CEP152: variants seen among roughly 807,000 people sequenced by gnomAD.
CEP152 encodes centrosomal protein 152.
CEP152 carries 132 observed loss-of-function variants against 188.9 expected under a neutral mutation model. That is an observed-to-expected ratio of 0.70 (90% CI 0.61 to 0.81). The LOEUF is 0.81. Ranked by LOEUF, CEP152 falls within the 30% of genes least tolerant of loss-of-function variation. The probability of loss-of-function intolerance (pLI) is 0.00; values close to 1 mark genes in which losing one functional copy is unlikely to be tolerated. For synonymous variants in CEP152, 649 were observed against 666.6 expected (o/e 0.97, Z 0.41); for missense variants, 1,914 against 1,969.8 (o/e 0.97, Z 0.54).
At chr15:48,760,348 T>C (rs1595623934) in intron 18 of CEP152, 82 bp from the exon 19 acceptor site, 3 of 1,528,044 alleles carry the variant, frequency 2.0e-6, no homozygotes, top group Admixed American at 3.4e-5. Flanking sequence ...AATTATGATT[T>C]CAGTATTTTA....
At chr15:48,742,944 CA>C (rs1392265505) in intron 24 of CEP152, among the ~76,000 whole-genome samples, 3 of 151,942 alleles carry the variant, frequency 2.0e-5, no homozygotes, top group Non-Finnish European at 4.4e-5. Context: ...TGGTTCTATG[CA>C]AAAATACTAA....
At position 48,739,105 on chromosome 15, in the gene CEP152, G is replaced by A. The variant is rs1429020318; in HGVS notation, c.4277C>T (p.Ser1426Leu). The A allele has an allele frequency of 6.8e-6, 11 of 1,614,070 alleles. No individual in the cohort carries two copies. Among genetic ancestry groups the A allele is most frequent in the Non-Finnish European group, 9.3e-6 (11 of 1,180,020 alleles). The part of the protein sequence containing the change: ...ACNLQRLLEN[S>L]EHQSIKHVGS... ...CACATGCTTTATGCTCTGATGCTCTGAGTTCTCTAACAGCCTTTGTAAGTT... is the reference window on the plus strand; with the variant it reads ...CACATGCTTTATGCTCTGATGCTCTAAGTTCTCTAACAGCCTTTGTAAGTT... Residue 1426 changes from serine (S) to leucine (L), a missense_variant, in exon 27 of 27, where the codon TCA (serine) becomes TTA (leucine). Physicochemically the swap from Ser to Leu is moderately radical, Grantham distance 145. Transcript: ENST00000380950.
rs1253786701 is a variant in CEP152 at position 48,772,536 on chromosome 15, A to G, written c.1733T>C (p.Ile578Thr). The change falls in exon 13 of 27, where the codon ATT becomes ACT. Residue 578 changes from isoleucine (I) to threonine (T), a missense_variant. Transcript: ENST00000380950. ...QNDLKDCHKKIEDLHQVKKDE... is the reference protein window; with the variant it reads ...QNDLKDCHKKTEDLHQVKKDE... ...CTTCTTCACTTGGTGGAGATCTTCAATTTTCTTATGACAGTCTTTGAGGTC... is the reference window on the plus strand; with the variant it reads ...CTTCTTCACTTGGTGGAGATCTTCAGTTTTCTTATGACAGTCTTTGAGGTC... The G allele has an allele frequency of 6.2e-7, 1 of 1,613,242 alleles. No homozygotes were observed. The highest frequency in any genetic ancestry group is 8.5e-7 in the Non-Finnish European group (1 of 1,179,874).
chr15:48,754,656 A>C lies in CEP152; in HGVS notation c.3345+1247T>G, dbSNP rs890150238. Reference sequence around the variant, plus strand: ...AGGATAAAAATATCAACTGGGGTGAAGTAGGATGGAGTGAGCTGATCTTTC... The same window carrying C: ...AGGATAAAAATATCAACTGGGGTGACGTAGGATGGAGTGAGCTGATCTTTC... On this transcript the variant is annotated intron_variant, in intron 20 of 26. Coordinates refer to ENST00000380950, the MANE Select transcript of CEP152 (RefSeq NM_001194998.2). Among the ~76,000 whole-genome samples the C allele has an allele frequency of 1.3e-5, 2 of 152,180 alleles. 1 individual carries two copies. Among genetic ancestry groups the C allele is most frequent in the South Asian group, 4.1e-4 (2 of 4,828 alleles).
rs915363582 is a variant in CEP152 at position 48,737,941 on chromosome 15, A to T, written c.*308T>A. On this transcript the variant is annotated 3_prime_UTR_variant, in exon 27 of 27. Coordinates refer to ENST00000380950, the MANE Select transcript of CEP152 (RefSeq NM_001194998.2). ...ACAAAATAATTCATAACAATTCTAC[A>T]GACCATATGCAAGTTTATTTAAATA... 2.5e-5 allele frequency: 6 copies of T among 243,038 alleles called. No homozygotes were observed. The highest frequency in any genetic ancestry group is 4.0e-5 in the Non-Finnish European group (5 of 125,458). The allele number at this position is 243,038 out of a possible 1,614,324, so 15.1% of individuals were successfully genotyped here.
chr15:48,738,692 C>T lies in CEP152; in HGVS notation c.4690G>A (p.Asp1564Asn). The T allele has an allele frequency of 6.2e-7, 1 of 1,614,212 alleles. No individual in the cohort carries two copies. Among genetic ancestry groups the T allele is most frequent in the East Asian group, 2.2e-5 (1 of 44,888 alleles). Residue 1564 changes from aspartate (D) to asparagine (N), a missense_variant, in exon 27 of 27, where the codon GAT becomes AAT. Transcript: ENST00000380950. ...GLDVQEPPVK[D>N]GGDLSDCLGW... ...AAGCAGTCACTAAGGTCCCCTCCATCTTTTACTGGAGGTTCCTGAACATCC... is the reference window on the plus strand; with the variant it reads ...AAGCAGTCACTAAGGTCCCCTCCATTTTTTACTGGAGGTTCCTGAACATCC...
In CEP152 at chr15:48,772,704, T is replaced by TTG. The variant is rs757085019; in HGVS notation, c.1578-15_1578-14dup. ...TTCTTGTACAATGCTAATGGAGAAA[T>TTG]TGTGATTTTTAACATTAAATCAAGT... On this transcript the variant is annotated splice_polypyrimidine_tract_variant and intron_variant, in intron 12 of 26. Coordinates refer to ENST00000380950, the MANE Select transcript of CEP152 (RefSeq NM_001194998.2). 6.2e-7 allele frequency: 1 copy of TTG among 1,608,558 alleles called. No individual in the cohort carries two copies. Among genetic ancestry groups the TTG allele is most frequent in the South Asian group, 1.1e-5 (1 of 90,978 alleles).
intron 18 of CEP152, among the ~76,000 whole-genome samples, chr15:48,762,016 T>C (rs994785692): frequency 2.0e-5 from 3 of 152,214 alleles, no homozygotes; most frequent in Admixed American, 6.5e-5. Context: ...CTTATGTGCT[T>C]AGGTTTACTT....
chr15:48,732,293 T>C (rs1261785208), intron 2 of CEP152, among the ~76,000 whole-genome samples: 2 of 152,166 alleles, frequency 1.3e-5, no homozygotes, highest in Non-Finnish European at 2.9e-5. Flanking sequence ...CAAATGCCCA[T>C]TAATGATAGA....
chr15:48,782,043 C>G (rs1896284233), intron 11 of CEP152, 96 bp downstream of exon 11: 1 of 1,140,834 alleles, frequency 8.8e-7, no homozygotes, highest in African/African-American at 1.5e-5. Flanking sequence ...GGTCCAACCA[C>G]CTCTATTATA....
Position 48,775,588 on chromosome 15 carries a change from T to A in CEP152, c.1578-2897A>T, listed in dbSNP as rs1895839330. Among the ~76,000 whole-genome samples the A allele has an allele frequency of 2.0e-5, 3 of 152,208 alleles. No homozygotes were observed. In the East Asian group the frequency reaches 5.8e-4, roughly 29 times the overall value. On this transcript the variant is annotated intron_variant, in intron 12 of 26. Coordinates refer to ENST00000380950, the MANE Select transcript of CEP152 (RefSeq NM_001194998.2). ...GATATTTTCATAAAAGGAAACAGAC[T>A]CTGTCAGCAGCAGACATGCTTGAGA... is the stretch of plus-strand genomic sequence containing the variant.
chr15:48,793,869 C>G (rs1567025050), intron 6 of CEP152, among the ~76,000 whole-genome samples: 1 of 152,102 alleles, frequency 6.6e-6, no homozygotes, highest in East Asian at 1.9e-4. Flanking sequence ...AATATGCTGT[C>G]AGAAAATTAA....
At chr15:48,809,515 A>G (rs1898198039) in intron 1 of CEP152, among the ~76,000 whole-genome samples, 1 of 152,242 alleles carries the variant, frequency 6.6e-6, no homozygotes, top group South Asian at 2.1e-4. Flanking sequence ...GAGCTTTTAG[A>G]TTAGAAATAA....
At chr15:48,764,801 G>A (rs1432299350) in intron 17 of CEP152, among the ~76,000 whole-genome samples, 1 of 152,052 alleles carries the variant, frequency 6.6e-6, no homozygotes, top group Non-Finnish European at 1.5e-5. Flanking sequence ...AACAATGCAT[G>A]AAACATAAAA....
Position 48,809,164 on chromosome 15 carries a change from G to C in CEP152, c.-8+1797C>G, listed in dbSNP as rs562302761. Among the ~76,000 whole-genome samples, 6 of 152,292 alleles carry C rather than the reference G, an allele frequency of 3.9e-5. 1 individual carries two copies. The South Asian group carries it at 1.2e-3, about 32-fold the overall frequency. On this transcript the variant is annotated intron_variant, in intron 1 of 26. Transcript: ENST00000380950. ...TCTAATAAACTATAAGCACCCTGAA[G>C]GCAGAATTAAAATGTATCTGCCTGC...
intron 14 of CEP152, 147 bp downstream of exon 14, chr15:48,768,809 G>A: frequency 1.6e-6 from 1 of 611,900 alleles, no homozygotes; most frequent in East Asian, 2.9e-5. Context: ...CACTAGCAAA[G>A]GGAAGTAACT....
intron 14 of CEP152, 68 bp downstream of exon 14, chr15:48,768,888 T>C (rs1567000170): frequency 1.6e-6 from 2 of 1,212,588 alleles, no homozygotes; most frequent in East Asian, 2.6e-5. Context: ...GCAAAAACTC[T>C]ATTATATCCT....
Position 48,784,194 on chromosome 15 carries a change from C to T in CEP152, c.1174-74G>A, listed in dbSNP as rs1469220579. The T allele has an allele frequency of 4.3e-6, 6 of 1,406,040 alleles. No homozygotes were observed. In the African/African-American group the frequency reaches 7.2e-5, roughly 17 times the overall value. 87.1% of individuals were successfully genotyped at this position (1,406,040 alleles called of 1,614,324 possible). On this transcript the variant is annotated intron_variant, in intron 9 of 26. Coordinates refer to ENST00000380950, the MANE Select transcript of CEP152 (RefSeq NM_001194998.2). ...AAAGAGTAAACTAAAAATTATGATA[C>T]ATAATTAGATTTGATGTCAAACACA...
At chr15:48,731,080 A>G (rs1892406465) in intron 2 of CEP152, among the ~76,000 whole-genome samples, 1 of 152,238 alleles carries the variant, frequency 6.6e-6, no homozygotes, top group South Asian at 2.1e-4. Context: ...CACTTACATG[A>G]GATTTCTAAA....
Sources: gnomAD v4.1 joint callset for allele counts (sites outside exome capture counted in the v4.1 genomes callset) on GRCh38, gnomAD v4.1.1 for gene constraint, MANE v1.5 for transcripts, NCBI Gene and HGNC (gene_info 2026-07-23, HGNC 2026-07-21) for gene names.